LSMEM2: variants seen among roughly 807,000 people sequenced by gnomAD.
The protein encoded by LSMEM2 is leucine-rich single-pass membrane protein 2.
In LSMEM2, 20 loss-of-function variants were observed where a neutral mutation model predicts 17.3. That is an observed-to-expected ratio of 1.16 (90% CI 0.81 to 1.68). The LOEUF (loss-of-function observed/expected upper bound fraction) is 1.68, where lower values mean the gene tolerates loss of function less well. Ranked by LOEUF, LSMEM2 falls within the 40% of genes most tolerant of loss-of-function variation. LSMEM2 has a pLI of 0.00. For missense variants in LSMEM2, 207 were observed against 214.3 expected, an observed-to-expected ratio of 0.97 and a Z score of 0.21; for synonymous variants, 94 against 97.8, an observed-to-expected ratio of 0.96 and a Z score of 0.23.
chr3:50,278,281 C>T (rs1462925265), upstream of LSMEM2, among the ~76,000 whole-genome samples: 6 of 152,218 alleles, frequency 3.9e-5, no homozygotes, highest in Admixed American at 3.3e-4. Context: ...AAGCTGGAAG[C>T]TGGACCACCT....
chr3:50,287,039 GTC>G, intron 3 of LSMEM2, 28 bp from the exon 4 acceptor site: 8 of 1,612,898 alleles, frequency 5.0e-6, no homozygotes, highest in Non-Finnish European at 6.8e-6. Flanking sequence ...GTGGCACATG[GTC>G]TGATGATCCC....
At chr3:50,286,406 G>GC in intron 1 of LSMEM2, 65 bp from the exon 2 acceptor site, 2 of 1,512,778 alleles carry the variant, frequency 1.3e-6, no homozygotes, top group South Asian at 2.4e-5. Context: ...GCTGCCTGAA[G>GC]CCACCTGGTA....
chr3:50,287,164 C>T lies in LSMEM2; in HGVS notation c.457C>T (p.Arg153Trp), dbSNP rs200726517. The T allele has an allele frequency of 1.3e-4, 217 of 1,613,984 alleles. No homozygotes were observed. Among genetic ancestry groups the T allele is most frequent in the Non-Finnish European group, 1.8e-4 (209 of 1,180,004 alleles). Residue 153 changes from arginine (R) to tryptophan (W), a missense_variant, in exon 4 of 4, where the codon CGG (arginine) becomes TGG (tryptophan). Arg to Trp is a moderately radical substitution (Grantham distance 101, BLOSUM62 -3). Coordinates refer to ENST00000316436, the MANE Select transcript of LSMEM2 (RefSeq NM_153215.3). ...CCGCTTGGCCAGCCTCAGCCAGCTT[C>T]GGAGGCTCAACTCCAGTGAGGCCCA... Reference protein sequence around the residue: ...KLRLASLSQLRRLNSSEAQAP... With the variant: ...KLRLASLSQLWRLNSSEAQAP...
At chr3:50,278,543 C>A (rs1406587477), upstream of LSMEM2, among the ~76,000 whole-genome samples, 1 of 151,694 alleles carries the variant, frequency 6.6e-6, no homozygotes, top group Non-Finnish European at 1.5e-5. Flanking sequence ...AGCCTCCAAC[C>A]TAGGTCCACC....
intron 1 of LSMEM2, among the ~76,000 whole-genome samples, chr3:50,281,917 G>C (rs1265949053): frequency 3.3e-5 from 5 of 151,782 alleles, no homozygotes; most frequent in African/African-American, 9.7e-5. Flanking sequence ...AGTGGCTTGA[G>C]CTTGGATCAC....
chr3:50,287,460 T>G lies in LSMEM2; in HGVS notation c.*258T>G, dbSNP rs190209696. On this transcript the variant is annotated 3_prime_UTR_variant, in exon 4 of 4. Transcript: ENST00000316436. ...GGGGAAGGGGCACCAGCCTCCTGGC[T>G]CCTCCTGTGGCCTGTCAACACTCTC... 1.5e-4 allele frequency: 84 copies of G among 544,118 alleles called. No homozygotes were observed. In the Admixed American group the frequency reaches 1.6e-3, roughly 11 times the overall value. The allele number at this position is 544,118 out of a possible 1,614,324, so 33.7% of individuals were successfully genotyped here. A position where few individuals can be genotyped will look rare whatever the true frequency, so the allele number is the denominator to read the frequency against.
rs1701556677 is a variant in LSMEM2, at chr3:50,286,856, C to G, written c.355C>G (p.Leu119Val). ...CLVLALLAVY[L>V]SVLQSESLRI... ...AGTGCTCGCACTCCTGGCTGTCTAC[C>G]TGAGCGGTATGGACGCATAGGGTGC... The change falls in exon 3 of 4, where the codon CTG (leucine) becomes GTG (valine). Residue 119 changes from leucine to valine, a missense_variant. Physicochemically the swap from Leu to Val is conservative, Grantham distance 32. Coordinates refer to ENST00000316436, the MANE Select transcript of LSMEM2 (RefSeq NM_153215.3). The G allele has an allele frequency of 1.2e-6, 2 of 1,613,540 alleles. No individual in the cohort carries two copies. The highest frequency in any genetic ancestry group is 1.1e-5 in the South Asian group (1 of 91,068).
intron 1 of LSMEM2, among the ~76,000 whole-genome samples, chr3:50,282,894 GACAA>G (rs1701432390): frequency 1.4e-5 from 2 of 147,702 alleles, no homozygotes; most frequent in Non-Finnish European, 1.5e-5. Flanking sequence ...AAAAAAAACA[GACAA>G]ACAAAAGGCC....
chr3:50,281,082 G>A (rs1315698716), intron 1 of LSMEM2, among the ~76,000 whole-genome samples: 1 of 150,806 alleles, frequency 6.6e-6, no homozygotes, highest in Non-Finnish European at 1.5e-5. Flanking sequence ...TTGAGACAGA[G>A]TCTTGCTCTG....
intron 1 of LSMEM2, among the ~76,000 whole-genome samples, chr3:50,284,152 G>T (rs1310743837): frequency 1.4e-5 from 2 of 143,558 alleles, no homozygotes; most frequent in Admixed American, 1.5e-4. Context: ...GTTGCAGTGA[G>T]CTGAGATCGC....
Position 50,286,636 on chromosome 3 carries a change from G to C in LSMEM2, c.173-38G>C, listed in dbSNP as rs1170217098. The C allele has an allele frequency of 2.5e-6, 4 of 1,611,438 alleles. No homozygotes were observed. In the East Asian group the frequency reaches 8.9e-5, roughly 36 times the overall value. On this transcript the variant is annotated intron_variant, in intron 2 of 3. Coordinates refer to ENST00000316436, the MANE Select transcript of LSMEM2 (RefSeq NM_153215.3). ...TGTGCTGGGGGAGGGGACGAAAGCA[G>C]GTGCACCCACCACCCTCCCAATGTC...
intron 1 of LSMEM2, among the ~76,000 whole-genome samples, chr3:50,285,323 TC>T (rs1701490308): frequency 6.7e-6 from 1 of 149,838 alleles, no homozygotes; most frequent in Non-Finnish European, 1.5e-5. Flanking sequence ...AGAGGGAGAC[TC>T]CATCTTAAAA....
chr3:50,285,306 G>A (rs1326264189), intron 1 of LSMEM2, among the ~76,000 whole-genome samples: 1 of 151,940 alleles, frequency 6.6e-6, no homozygotes, highest in Non-Finnish European at 1.5e-5. Flanking sequence ...ACTCCAGCCT[G>A]GGCGACAGAG....
intron 1 of LSMEM2, among the ~76,000 whole-genome samples, chr3:50,282,162 A>AT (rs1345214124): frequency 2.6e-5 from 4 of 151,726 alleles, no homozygotes; most frequent in East Asian, 1.9e-4. Flanking sequence ...CTAATCTTTG[A>AT]TTTTTTTGTA....
chr3:50,283,514 C>T (rs1701444840), intron 1 of LSMEM2, among the ~76,000 whole-genome samples: 1 of 151,430 alleles, frequency 6.6e-6, no homozygotes, highest in South Asian at 2.1e-4. Context: ...GTAGTCCCAG[C>T]TACTTGGGAG....
chr3:50,280,800 A>G (rs145113631), intron 1 of LSMEM2, among the ~76,000 whole-genome samples: 32 of 151,546 alleles, frequency 2.1e-4, no homozygotes, highest in African/African-American at 7.3e-4. Flanking sequence ...TCACTGTGTT[A>G]GCCGGCATGG....
intron 1 of LSMEM2, among the ~76,000 whole-genome samples, chr3:50,282,565 A>G (rs1217177723): frequency 6.6e-6 from 1 of 152,190 alleles, no homozygotes; most frequent in Non-Finnish European, 1.5e-5. Flanking sequence ...TTAGACATCA[A>G]GTTAAAGAAC....
chr3:50,278,088 C>A (rs1231853711), upstream of LSMEM2, among the ~76,000 whole-genome samples: 1 of 152,170 alleles, frequency 6.6e-6, no homozygotes, highest in Non-Finnish European at 1.5e-5. Context: ...GCAGAGCATT[C>A]CAGGAGGGAA....
At chr3:50,281,670 ATTT>A (rs144025924) in intron 1 of LSMEM2, among the ~76,000 whole-genome samples, 5 of 95,490 alleles carry the variant, frequency 5.2e-5, no homozygotes, top group Admixed American at 1.2e-4. Flanking sequence ...GCAGCAGGGA[ATTT>A]TTTTTTTTTT....
Sources: gnomAD v4.1 joint callset for allele counts (sites outside exome capture counted in the v4.1 genomes callset) on GRCh38, gnomAD v4.1.1 for gene constraint, MANE v1.5 for transcripts, NCBI Gene and HGNC (gene_info 2026-07-23, HGNC 2026-07-21) for gene names.